The following SH3RF3 variants were observed in gnomAD, a reference collection of about 807,000 sequenced individuals.
The protein encoded by SH3RF3 is E3 ubiquitin-protein ligase SH3RF3.
SH3RF3 carries 29 observed loss-of-function variants against 66.3 expected under a neutral mutation model. The observed-to-expected ratio is 0.44, with a 90% CI of 0.33 to 0.60. The LOEUF is 0.60. Among genes scored for constraint, SH3RF3 ranks in the 20% least tolerant of loss-of-function variants. SH3RF3 has a pLI of 0.04. For missense variants in SH3RF3, 1,194 were observed against 1,190.9 expected (o/e 1.00, Z -0.04); for synonymous variants, 583 against 532.0 (o/e 1.10, Z -1.32).
chr2:109,451,952 CCA>C (rs1486887123), intron 8 of SH3RF3, among the ~76,000 whole-genome samples: 1 of 152,206 alleles, frequency 6.6e-6, no homozygotes, highest in East Asian at 1.9e-4. Context: ...GAGCTTATGT[CCA>C]GAGGTTCAGC....
intron 2 of SH3RF3, among the ~76,000 whole-genome samples, chr2:109,353,176 C>T (rs1682876679): frequency 1.3e-5 from 2 of 152,244 alleles, no homozygotes; most frequent in South Asian, 4.1e-4. Context: ...CCAGTCCTTG[C>T]TCCCTCAAGG....
intron 3 of SH3RF3, among the ~76,000 whole-genome samples, chr2:109,375,193 C>T (rs1298565866): frequency 6.6e-6 from 1 of 152,286 alleles, no homozygotes; most frequent in East Asian, 1.9e-4. Flanking sequence ...CTGTGCTGTG[C>T]TCACCGGAGA....
chr2:109,393,896 C>CAAAAAACCTGCATACATTCAGTTT lies in SH3RF3; in HGVS notation c.946-4691_946-4690insAAACCTGCATACATTCAGTTTAAA, dbSNP rs372205938. Among the ~76,000 whole-genome samples, 943 of 151,238 alleles carry CAAAAAACCTGCATACATTCAGTTT rather than the reference C, an allele frequency of 6.2e-3. 10 individuals are homozygous for CAAAAAACCTGCATACATTCAGTTT. Among genetic ancestry groups the CAAAAAACCTGCATACATTCAGTTT allele is most frequent in the African/African-American group, 0.022 (885 of 41,084 alleles). The stretch of plus-strand genomic sequence containing the variant: ...TACTCCTTTTTTAAGAAAAAAAAAA[C>CAAAAAACCTGCATACATTCAGTTT]AAAGTCTCCTCAGTCAGACCCAGGG... On this transcript the variant is annotated intron_variant, in intron 3 of 9. Transcript: ENST00000309415.
chr2:109,403,740 G>A (rs1307637882), intron 4 of SH3RF3, among the ~76,000 whole-genome samples: 4 of 152,178 alleles, frequency 2.6e-5, no homozygotes, highest in Non-Finnish European at 5.9e-5. Context: ...TGAACCTCTT[G>A]GAGCCCTGCA....
At chr2:109,410,036 TC>T (rs1268978089) in intron 4 of SH3RF3, among the ~76,000 whole-genome samples, 1 of 152,196 alleles carries the variant, frequency 6.6e-6, no homozygotes, top group Non-Finnish European at 1.5e-5. Flanking sequence ...GCCCAGACCC[TC>T]TTTTTTCCCT....
chr2:109,381,207 C>T (rs1303143956), intron 3 of SH3RF3, among the ~76,000 whole-genome samples: 1 of 152,194 alleles, frequency 6.6e-6, no homozygotes, highest in East Asian at 1.9e-4. Flanking sequence ...AGCTGAACAC[C>T]CAGGTGGCCC....
chr2:109,269,768 C>G (rs1680582943), intron 1 of SH3RF3, among the ~76,000 whole-genome samples: 1 of 152,096 alleles, frequency 6.6e-6, no homozygotes, highest in Non-Finnish European at 1.5e-5. Flanking sequence ...GACAGAGCAG[C>G]CGGGAGGGGT....
rs146740315 is a variant in SH3RF3 at position 109,204,534 on chromosome 2, G to T, written c.573+74421G>T. On this transcript the variant is annotated intron_variant, in intron 1 of 9. Coordinates refer to ENST00000309415, the MANE Select transcript of SH3RF3 (RefSeq NM_001099289.3). Reference sequence around the variant, plus strand: ...TTCTCAACATTGTACATATATTTGTGTGCAATGTACAATGTACACATAAAT... The same window carrying T: ...TTCTCAACATTGTACATATATTTGTTTGCAATGTACAATGTACACATAAAT... Among the ~76,000 whole-genome samples the T allele has an allele frequency of 8.8e-3, 1,336 of 152,190 alleles. 15 individuals carry two copies. Among genetic ancestry groups the T allele is most frequent in the African/African-American group, 0.031 (1,268 of 41,492 alleles).
Position 109,417,290 on chromosome 2 carries a change from C to T in SH3RF3, c.1300-2249C>T, listed in dbSNP as rs950743517. ...CTTGCCCTCCAGCCCCCACCTACAC[C>T]TCCATGGATGGTGACTCATGATCCA... On this transcript the variant is annotated intron_variant, in intron 4 of 9. Transcript: ENST00000309415. Among the ~76,000 whole-genome samples the T allele has an allele frequency of 6.6e-5, 10 of 152,316 alleles. No homozygotes were observed. The East Asian group carries it at 1.9e-3, about 29-fold the overall frequency.
chr2:109,468,585 A>G (rs562797472), intron 8 of SH3RF3, among the ~76,000 whole-genome samples: 39 of 152,202 alleles, frequency 2.6e-4, no homozygotes, highest in African/African-American at 9.2e-4. Context: ...CCGGTGTGGT[A>G]GCTCACGCCT....
chr2:109,492,541 C>A (rs899494544), intron 9 of SH3RF3, among the ~76,000 whole-genome samples: 5 of 152,310 alleles, frequency 3.3e-5, no homozygotes, highest in African/African-American at 1.2e-4. Flanking sequence ...CCAGGCCCTG[C>A]CTTCTATGTT....
chr2:109,215,237 C>T (rs1007575855), intron 1 of SH3RF3, among the ~76,000 whole-genome samples: 4 of 152,110 alleles, frequency 2.6e-5, no homozygotes, highest in South Asian at 2.1e-4. Context: ...ACTAATGTCA[C>T]GGGCAGAGGA....
intron 4 of SH3RF3, among the ~76,000 whole-genome samples, chr2:109,408,626 T>A (rs1056075086): frequency 6.6e-6 from 1 of 152,230 alleles, no homozygotes; most frequent in South Asian, 2.1e-4. Context: ...TCCCTCTCTG[T>A]ACAGGCAATG....
intron 8 of SH3RF3, among the ~76,000 whole-genome samples, chr2:109,480,073 TC>T (rs2104759924): frequency 6.6e-6 from 1 of 152,310 alleles, no homozygotes; most frequent in South Asian, 2.1e-4. Flanking sequence ...AAGGACCCCA[TC>T]CTGGCACTTC....
intron 1 of SH3RF3, among the ~76,000 whole-genome samples, chr2:109,315,883 C>T (rs1184036933): frequency 6.6e-6 from 1 of 152,166 alleles, no homozygotes; most frequent in Non-Finnish European, 1.5e-5. Context: ...CCACCAGTTC[C>T]CAGAACGTCA....
At chr2:109,266,057 T>C (rs1331589597) in intron 1 of SH3RF3, among the ~76,000 whole-genome samples, 8 of 152,030 alleles carry the variant, frequency 5.3e-5, no homozygotes, top group Admixed American at 1.3e-4. Flanking sequence ...TATGTGCATG[T>C]GTGCTGTGTG....
chr2:109,281,983 C>T (rs374545264), intron 1 of SH3RF3, among the ~76,000 whole-genome samples: 1 of 152,062 alleles, frequency 6.6e-6, no homozygotes, highest in South Asian at 2.1e-4. Flanking sequence ...AGCGCTGGGC[C>T]AGGCTTTCGG....
At chr2:109,171,630 T>C (rs902546342) in intron 1 of SH3RF3, among the ~76,000 whole-genome samples, 1 of 152,218 alleles carries the variant, frequency 6.6e-6, no homozygotes, top group Non-Finnish European at 1.5e-5. Flanking sequence ...TCTGAGACAT[T>C]TCCTGTGCGG....
intron 4 of SH3RF3, among the ~76,000 whole-genome samples, chr2:109,407,406 A>T (rs1414208834): frequency 6.6e-6 from 1 of 152,232 alleles, no homozygotes; most frequent in Non-Finnish European, 1.5e-5. Flanking sequence ...TTTAAAATGC[A>T]TCACCACCTG....
Sources: gnomAD v4.1 joint callset for allele counts (sites outside exome capture counted in the v4.1 genomes callset) on GRCh38, gnomAD v4.1.1 for gene constraint, MANE v1.5 for transcripts, NCBI Gene and HGNC (gene_info 2026-07-23, HGNC 2026-07-21) for gene names.